TUSC3: variants seen among roughly 807,000 people sequenced by gnomAD.
The protein encoded by TUSC3 is dolichyl-diphosphooligosaccharide--protein glycosyltransferase subunit TUSC3.
Under a neutral mutation model 44.8 loss-of-function variants are expected in TUSC3, and 45 were observed. That is an observed-to-expected ratio of 1.00 (90% CI 0.79 to 1.29). TUSC3 has a LOEUF of 1.29. Among genes scored for constraint, TUSC3 ranks in the 50% most tolerant of loss-of-function variants. The pLI is 0.00. For synonymous variants in TUSC3, 212 were observed against 152.9 expected (o/e 1.39, Z -2.85); for missense variants, 519 against 437.9 (o/e 1.19, Z -1.65).
At chr8:15,525,941 G>A (rs971423019) in intron 2 of TUSC3, among the ~76,000 whole-genome samples, 1 of 152,130 alleles carries the variant, frequency 6.6e-6, no homozygotes, top group Non-Finnish European at 1.5e-5. Flanking sequence ...CAGAACTGGT[G>A]TTTAAATTTA....
the TUSC3 span, among the ~76,000 whole-genome samples, chr8:15,804,545 G>C: frequency 6.6e-6 from 1 of 152,120 alleles, no homozygotes; most frequent in Non-Finnish European, 1.5e-5. Flanking sequence ...CATATGGCTA[G>C]CCAGCTATTC....
chr8:15,552,557 C>A (rs1046013709), intron 1 of TUSC3, among the ~76,000 whole-genome samples: 1 of 151,660 alleles, frequency 6.6e-6, no homozygotes, highest in African/African-American at 2.4e-5. Context: ...AGGGCGAGTG[C>A]TAAACAGCAC....
intron 1 of TUSC3, among the ~76,000 whole-genome samples, chr8:15,598,757 T>A (rs1008256551): frequency 1.3e-5 from 2 of 151,916 alleles, no homozygotes; most frequent in African/African-American, 4.8e-5. Flanking sequence ...TCTCTATGTT[T>A]TTTCATGGTT....
chr8:15,447,066 G>C (rs1055103502), intron 1 of TUSC3, among the ~76,000 whole-genome samples: 4 of 151,592 alleles, frequency 2.6e-5, no homozygotes, highest in Non-Finnish European at 5.9e-5. Context: ...AAAAAAAATA[G>C]GATAAGATAA....
chr8:15,607,812 T>G (rs1042640833), intron 1 of TUSC3, among the ~76,000 whole-genome samples: 2 of 152,162 alleles, frequency 1.3e-5, no homozygotes, highest in African/African-American at 2.4e-5. Flanking sequence ...ATTGATTGAC[T>G]ATATGCTATT....
intron 6 of TUSC3, among the ~76,000 whole-genome samples, chr8:15,683,842 A>G (rs919565086): frequency 3.9e-5 from 6 of 151,902 alleles, no homozygotes; most frequent in Non-Finnish European, 4.4e-5. Flanking sequence ...AGGTTTGACT[A>G]TGGTATATGG....
chr8:15,773,146 A>G, the TUSC3 span, among the ~76,000 whole-genome samples: 2 of 152,332 alleles, frequency 1.3e-5, no homozygotes, highest in Admixed American at 6.5e-5. Flanking sequence ...ACAATTAGGT[A>G]AGGACACAAA....
intron 1 of TUSC3, among the ~76,000 whole-genome samples, chr8:15,576,587 T>C (rs1463367433): frequency 6.8e-6 from 1 of 147,126 alleles, no homozygotes; most frequent in African/African-American, 2.6e-5. Flanking sequence ...TTGTGATAGT[T>C]TACTGAGAAT....
At chr8:15,652,152 C>T (rs951704088) in intron 3 of TUSC3, among the ~76,000 whole-genome samples, 4 of 152,094 alleles carry the variant, frequency 2.6e-5, no homozygotes. Context: ...ATTTAAAATG[C>T]AAAACTTAGT....
At chr8:15,594,623 A>T (rs975361453) in intron 1 of TUSC3, among the ~76,000 whole-genome samples, 1 of 152,050 alleles carries the variant, frequency 6.6e-6, no homozygotes, top group African/African-American at 2.4e-5. Context: ...ATTATTCCCT[A>T]CTATTGCCAG....
chr8:15,739,469 G>T (rs1811094078), intron 7 of TUSC3, among the ~76,000 whole-genome samples: 1 of 152,046 alleles, frequency 6.6e-6, no homozygotes, highest in African/African-American at 2.4e-5. Context: ...CCTGTTAATA[G>T]GGAGTCTGCA....
intron 1 of TUSC3, among the ~76,000 whole-genome samples, chr8:15,431,896 A>G (rs7821905): frequency 1.2e-4 from 9 of 78,176 alleles, no homozygotes; most frequent in Non-Finnish European, 3.0e-4. Context: ...TTCAAATGCC[A>G]TTTCTGTGTC....
chr8:15,775,326 T>C, the TUSC3 span, among the ~76,000 whole-genome samples: 1 of 152,058 alleles, frequency 6.6e-6, no homozygotes, highest in Non-Finnish European at 1.5e-5. Context: ...GGAGTGACTA[T>C]TTAGTGGCTT....
chr8:15,478,375 A>G (rs78776591), intron 1 of TUSC3, among the ~76,000 whole-genome samples: 11,555 of 152,146 alleles, frequency 0.076, 469 homozygotes, highest in South Asian at 0.11. Flanking sequence ...TCAGCCCATC[A>G]TCTAGCTACT....
chr8:15,467,762 G>A (rs1174582823), intron 1 of TUSC3, among the ~76,000 whole-genome samples: 3 of 152,074 alleles, frequency 2.0e-5, no homozygotes, highest in South Asian at 2.1e-4. Flanking sequence ...CTTGAATTAC[G>A]TTTGTTCTCT....
chr8:15,540,804 C>T (rs926620489), intron 1 of TUSC3, among the ~76,000 whole-genome samples: 1 of 152,190 alleles, frequency 6.6e-6, no homozygotes, highest in Admixed American at 6.5e-5. Flanking sequence ...CTGAGCACCT[C>T]ACACCTTTCA....
chr8:15,694,089 C>T (rs989725516), intron 6 of TUSC3, among the ~76,000 whole-genome samples: 5 of 151,996 alleles, frequency 3.3e-5, no homozygotes, highest in Admixed American at 2.0e-4. Context: ...TCTCTTGAAT[C>T]CTAGTGATCT....
intron 1 of TUSC3, among the ~76,000 whole-genome samples, chr8:15,554,466 C>G (rs576493753): frequency 2.6e-5 from 4 of 151,568 alleles, no homozygotes; most frequent in Non-Finnish European, 5.9e-5. Context: ...TGAGCAGCCT[C>G]CCTGACAACT....
intron 1 of TUSC3, among the ~76,000 whole-genome samples, chr8:15,455,862 A>G (rs1800250388): frequency 6.6e-6 from 1 of 152,212 alleles, no homozygotes; most frequent in African/African-American, 2.4e-5. Flanking sequence ...CCACCAGGCT[A>G]GGAGGATAGA....
Sources: gnomAD v4.1 joint callset for allele counts (sites outside exome capture counted in the v4.1 genomes callset) on GRCh38, gnomAD v4.1.1 for gene constraint, MANE v1.5 for transcripts, NCBI Gene and HGNC (gene_info 2026-07-23, HGNC 2026-07-21) for gene names.